Variants in ATP2C2 observed in about 807,000 individuals in gnomAD.
ATP2C2 encodes the protein calcium-transporting ATPase type 2C member 2.
In ATP2C2, 171 loss-of-function variants were observed where a neutral mutation model predicts 110.8. The ratio of observed to expected loss-of-function variants is 1.54; its 90% CI spans 1.36 to 1.75. ATP2C2 has a LOEUF of 1.75. Among genes scored for constraint, ATP2C2 ranks in the 40% most tolerant of loss-of-function variants. The pLI is 0.00. For missense variants in ATP2C2, 1,963 were observed against 1,235.0 expected (o/e 1.59, Z -8.84); for synonymous variants, 804 against 508.4 (o/e 1.58, Z -7.82).
chr16:84,429,662 G>A (rs937936108), intron 11 of ATP2C2, among the ~76,000 whole-genome samples: 5 of 152,182 alleles, frequency 3.3e-5, no homozygotes, highest in African/African-American at 1.2e-4. Context: ...TCAAGGGCTA[G>A]AGGAAGAGAG....
intron 2 of ATP2C2, 46 bp downstream of exon 2, chr16:84,398,655 T>C (rs1245374070): frequency 2.0e-6 from 3 of 1,479,446 alleles, no homozygotes; most frequent in East Asian, 2.3e-5. Flanking sequence ...TAAGGTTTTA[T>C]GTTTAAAAGA....
In ATP2C2 at chr16:84,446,392, C is replaced by A; in HGVS notation, c.1465C>A (p.Gln489Lys). The change falls in exon 16 of 27, where the codon CAG becomes AAG. Residue 489 changes from glutamine (Q) to lysine (K), a missense_variant. Gln to Lys is a moderately conservative substitution (Grantham distance 53). Transcript: ENST00000262429. ...RKKEIPFSSE[Q>K]KWMAVKCSLK... is the part of the protein sequence containing the mutation. ...AAAAGAGATTCCATTCAGTTCAGAG[C>A]AGAAGTGGATGGCGGTGAAATGCAG... is the stretch of plus-strand genomic sequence containing the variant. 2.5e-6 allele frequency: 4 copies of A among 1,606,866 alleles called. No individual in the cohort carries two copies. The highest frequency in any genetic ancestry group is 3.4e-6 in the Non-Finnish European group (4 of 1,177,214).
At chr16:84,376,913 G>C (rs1199773407) in intron 1 of ATP2C2, among the ~76,000 whole-genome samples, 2 of 152,210 alleles carry the variant, frequency 1.3e-5, no homozygotes, top group East Asian at 3.9e-4. Flanking sequence ...GTTCTTGTCG[G>C]AGAGGAAACA....
At chr16:84,376,762 C>G (rs1910274002) in intron 1 of ATP2C2, among the ~76,000 whole-genome samples, 3 of 152,198 alleles carry the variant, frequency 2.0e-5, no homozygotes, top group Admixed American at 2.0e-4. Context: ...TAAATTTCCA[C>G]ATACACATTC....
Position 84,423,180 on chromosome 16 carries a change from C to G in ATP2C2, c.844-8C>G. 6.2e-7 allele frequency: 1 copy of G among 1,613,394 alleles called. No individual in the cohort carries two copies. The highest frequency in any genetic ancestry group is 8.5e-7 in the Non-Finnish European group (1 of 1,179,424). ...TGTCCAACTAACCCATTGTGCTCAC[C>G]CTTTCAGACACCTAAAACTCCTTTG... On this transcript the variant is annotated splice_region_variant and splice_polypyrimidine_tract_variant and intron_variant, in intron 9 of 26. Coordinates refer to ENST00000262429, the MANE Select transcript of ATP2C2 (RefSeq NM_014861.4).
chr16:84,400,146 T>G (rs1462958643), intron 2 of ATP2C2, among the ~76,000 whole-genome samples: 1 of 152,150 alleles, frequency 6.6e-6, no homozygotes, highest in Non-Finnish European at 1.5e-5. Context: ...ATGTACCACA[T>G]TTTCTTTATT....
chr16:84,378,791 A>T (rs1218657593), intron 1 of ATP2C2, among the ~76,000 whole-genome samples: 1 of 152,148 alleles, frequency 6.6e-6, no homozygotes, highest in African/African-American at 2.4e-5. Context: ...GGCAGCAGAG[A>T]TTGAGCAAAG....
At chr16:84,400,134 A>G (rs1001948667) in intron 2 of ATP2C2, among the ~76,000 whole-genome samples, 1 of 152,084 alleles carries the variant, frequency 6.6e-6, no homozygotes, top group Non-Finnish European at 1.5e-5. Context: ...TCCATTGTGT[A>G]TATGTACCAC....
intron 11 of ATP2C2, among the ~76,000 whole-genome samples, chr16:84,431,933 G>T (rs1908317951): frequency 6.6e-6 from 1 of 152,128 alleles, no homozygotes; most frequent in Admixed American, 6.6e-5. Flanking sequence ...AGGACGCCGA[G>T]CTGTGCTGGG....
intron 10 of ATP2C2, among the ~76,000 whole-genome samples, chr16:84,425,490 G>C (rs1907728648): frequency 6.6e-6 from 1 of 152,158 alleles, no homozygotes; most frequent in Non-Finnish European, 1.5e-5. Context: ...GTCCAAAATA[G>C]ACTGATTGAG....
chr16:84,422,625 A>C lies in ATP2C2; in HGVS notation c.775-4A>C. On this transcript the variant is annotated splice_region_variant and splice_polypyrimidine_tract_variant and intron_variant, in intron 8 of 26. Coordinates refer to ENST00000262429, the MANE Select transcript of ATP2C2 (RefSeq NM_014861.4). Reference sequence around the variant, plus strand: ...TTTCATACTTCTCTCTCTCCTGGACACAGGGGGTCGTGATTGGAACAGGGG... The same window carrying C: ...TTTCATACTTCTCTCTCTCCTGGACCCAGGGGGTCGTGATTGGAACAGGGG... 6.2e-7 allele frequency: 1 copy of C among 1,612,868 alleles called. No individual in the cohort carries two copies. The highest frequency in any genetic ancestry group is 8.5e-7 in the Non-Finnish European group (1 of 1,179,524).
At chr16:84,373,911 A>G (rs143301172) in intron 1 of ATP2C2, among the ~76,000 whole-genome samples, 2 of 152,302 alleles carry the variant, frequency 1.3e-5, no homozygotes, top group African/African-American at 4.8e-5. Flanking sequence ...GTACAAAATG[A>G]CATTTACATT....
At chr16:84,435,546 C>T (rs442134) in intron 11 of ATP2C2, among the ~76,000 whole-genome samples, 79,320 of 152,110 alleles carry the variant, frequency 0.52, 21,443 homozygotes, top group East Asian at 0.83. Flanking sequence ...AGCCACCTGG[C>T]CAAGCTTGGA....
At chr16:84,450,466 G>A (rs1036026641) in intron 17 of ATP2C2, among the ~76,000 whole-genome samples, 8 of 152,130 alleles carry the variant, frequency 5.3e-5, no homozygotes, top group African/African-American at 1.2e-4. Flanking sequence ...GGAGAGTTGG[G>A]GTGAGGGGAG....
chr16:84,382,509 C>A (rs1244635595), intron 1 of ATP2C2, among the ~76,000 whole-genome samples: 1 of 152,200 alleles, frequency 6.6e-6, no homozygotes, highest in Non-Finnish European at 1.5e-5. Context: ...AGTCCTGGGG[C>A]AGGATGGGCA....
chr16:84,446,965 C>G (rs1433750007), intron 16 of ATP2C2, among the ~76,000 whole-genome samples: 2 of 152,198 alleles, frequency 1.3e-5, no homozygotes, highest in African/African-American at 2.4e-5. Context: ...TGTGGTGCAT[C>G]AGCGTGTGCA....
chr16:84,454,761 C>T lies in ATP2C2; in HGVS notation c.1981-57C>T, dbSNP rs147087507. 5,744 of 1,506,176 alleles carry T rather than the reference C, an allele frequency of 3.8e-3. 19 individuals are homozygous for T. Among genetic ancestry groups the T allele is most frequent in the Non-Finnish European group, 4.5e-3 (5,123 of 1,129,474 alleles). 93.3% of individuals were successfully genotyped at this position (1,506,176 alleles called of 1,614,324 possible). ...TGGCTGGCCACAGGGTGTGCATGGCCGGGCACTGGGAGGTGGTCGTCAGGC... is the reference window on the plus strand; with the variant it reads ...TGGCTGGCCACAGGGTGTGCATGGCTGGGCACTGGGAGGTGGTCGTCAGGC... On this transcript the variant is annotated intron_variant, in intron 20 of 26. Transcript: ENST00000262429.
In ATP2C2 at chr16:84,405,740, C is replaced by T. The variant is rs562288993; in HGVS notation, c.327+496C>T. Among the ~76,000 whole-genome samples the T allele has an allele frequency of 1.8e-4, 28 of 152,178 alleles. No homozygotes were observed. In the East Asian group the frequency reaches 4.8e-3, roughly 26 times the overall value. The stretch of plus-strand genomic sequence containing the variant: ...TTCAAGACCAGCCCGGCCAACATGG[C>T]GAAACCCCGTCTCTTCTAAAAATAT... On this transcript the variant is annotated intron_variant, in intron 3 of 26. Coordinates refer to ENST00000262429, the MANE Select transcript of ATP2C2 (RefSeq NM_014861.4).
At chr16:84,380,687 C>T (rs1910526931) in intron 1 of ATP2C2, among the ~76,000 whole-genome samples, 1 of 152,152 alleles carries the variant, frequency 6.6e-6, no homozygotes, top group Non-Finnish European at 1.5e-5. Flanking sequence ...CTGCCACTCG[C>T]CAGCTGTGAG....
Sources: allele counts gnomAD v4.1 joint callset (sites outside exome capture counted in the v4.1 genomes callset), GRCh38; gene constraint gnomAD v4.1.1; transcripts MANE v1.5; gene names NCBI Gene and HGNC (gene_info 2026-07-23, HGNC 2026-07-21).